CEPT1: variants seen among roughly 807,000 people sequenced by gnomAD.
CEPT1 encodes choline/ethanolamine phosphotransferase 1.
In CEPT1, 7 loss-of-function variants were observed where a neutral mutation model predicts 42.6. That is an observed-to-expected ratio of 0.16 (90% confidence interval 0.09 to 0.31). CEPT1 has a LOEUF of 0.31. Ranked by LOEUF, CEPT1 falls within the 10% of genes least tolerant of loss-of-function variation. The pLI is 1.00. For synonymous variants in CEPT1, 171 were observed against 171.9 expected, an observed-to-expected ratio of 0.99 and a Z score of 0.04; for missense variants, 306 against 502.1, an observed-to-expected ratio of 0.61 and a Z score of 3.73.
chr1:111,161,092 AT>A, intron 3 of CEPT1, 62 bp from the exon 4 acceptor site: 1 of 1,565,786 alleles, frequency 6.4e-7, no homozygotes, highest in Non-Finnish European at 8.8e-7. Context: ...ATCTAAAATC[AT>A]TTCCAGCTCA....
chr1:111,170,827 T>A (rs1306322301), intron 4 of CEPT1, among the ~76,000 whole-genome samples: 1 of 152,186 alleles, frequency 6.6e-6, no homozygotes, highest in Non-Finnish European at 1.5e-5. Flanking sequence ...AGCTCACAGG[T>A]CAAATTGTAC....
intron 3 of CEPT1, chr1:111,160,942 A>T: frequency 1.8e-6 from 1 of 562,492 alleles, no homozygotes; most frequent in East Asian, 3.1e-5. Flanking sequence ...TGCTTCCACT[A>T]AGTGATTTGG....
chr1:111,158,034 T>G (rs887812631), intron 2 of CEPT1, among the ~76,000 whole-genome samples: 1 of 152,190 alleles, frequency 6.6e-6, no homozygotes, highest in Non-Finnish European at 1.5e-5. Flanking sequence ...CTCTTCTTTT[T>G]GAATATACAT....
chr1:111,152,144 A>C (rs984687802), intron 2 of CEPT1, among the ~76,000 whole-genome samples: 1 of 151,444 alleles, frequency 6.6e-6, no homozygotes, highest in East Asian at 1.9e-4. Context: ...TTGAAATATC[A>C]TGAGTTGTTT....
chr1:111,165,340 G>A (rs374237273), intron 4 of CEPT1, among the ~76,000 whole-genome samples: 15 of 151,068 alleles, frequency 9.9e-5, no homozygotes, highest in East Asian at 5.8e-4. Context: ...GAGCCACTGC[G>A]CCCGGCCTAA....
At chr1:111,177,777 C>G (rs2101390314) in intron 5 of CEPT1, among the ~76,000 whole-genome samples, 1 of 152,152 alleles carries the variant, frequency 6.6e-6, no homozygotes, top group South Asian at 2.1e-4. Context: ...AAATGGAGTT[C>G]CCAGACCCAG....
intron 5 of CEPT1, chr1:111,181,009 C>G: frequency 6.6e-6 from 1 of 152,098 alleles, no homozygotes; most frequent in East Asian, 1.9e-4. Flanking sequence ...ACTAAAAATA[C>G]AAAAATTAGC....
At chr1:111,163,462 CA>C (rs912203844) in intron 4 of CEPT1, among the ~76,000 whole-genome samples, 1 of 151,900 alleles carries the variant, frequency 6.6e-6, no homozygotes, top group African/African-American at 2.4e-5. Flanking sequence ...CTGGTCTCTA[CA>C]AAAAAATTTT....
At chr1:111,172,764 A>C (rs1301506341) in intron 4 of CEPT1, among the ~76,000 whole-genome samples, 1 of 152,212 alleles carries the variant, frequency 6.6e-6, no homozygotes, top group Non-Finnish European at 1.5e-5. Flanking sequence ...AGAGCAGAAG[A>C]TTCTCATCCT....
intron 2 of CEPT1, among the ~76,000 whole-genome samples, chr1:111,148,375 C>CAAA (rs34084366): frequency 2.7e-5 from 2 of 75,136 alleles, no homozygotes; most frequent in East Asian, 9.4e-4. Context: ...AAAGTCTTAG[C>CAAA]AAAAAAAAAA....
At chr1:111,176,697 A>G (rs1054238441) in intron 5 of CEPT1, among the ~76,000 whole-genome samples, 2 of 152,226 alleles carry the variant, frequency 1.3e-5, no homozygotes, top group African/African-American at 4.8e-5. Context: ...AAGTCCAAAT[A>G]TGAAATTTAT....
intron 4 of CEPT1, among the ~76,000 whole-genome samples, chr1:111,170,320 A>G (rs986479303): frequency 2.6e-5 from 4 of 152,146 alleles, no homozygotes; most frequent in Admixed American, 1.3e-4. Flanking sequence ...GAGTTATTCA[A>G]TGGGCTTTTT....
At chr1:111,167,892 C>CA in intron 4 of CEPT1, 2 of 512,920 alleles carry the variant, frequency 3.9e-6, no homozygotes, top group Non-Finnish European at 4.9e-6. Flanking sequence ...TATCTTTTTC[C>CA]TTTTTTTTTT....
At chr1:111,153,118 T>C (rs1373300722) in intron 2 of CEPT1, among the ~76,000 whole-genome samples, 2 of 152,124 alleles carry the variant, frequency 1.3e-5, no homozygotes, top group Non-Finnish European at 2.9e-5. Context: ...CCTGTCCCTA[T>C]CCTCCCCTCC....
intron 4 of CEPT1, among the ~76,000 whole-genome samples, chr1:111,165,824 T>G (rs1352181582): frequency 6.6e-6 from 1 of 152,240 alleles, no homozygotes; most frequent in East Asian, 1.9e-4. Flanking sequence ...TATAGTTAAA[T>G]GAAAAAAGTT....
intron 1 of CEPT1, among the ~76,000 whole-genome samples, chr1:111,145,394 G>A (rs890624001): frequency 2.6e-5 from 4 of 152,182 alleles, no homozygotes; most frequent in Admixed American, 6.5e-5. Context: ...TTATTTAAGG[G>A]CATTAACTTG....
chr1:111,145,568 G>A (rs1451881813), intron 1 of CEPT1, among the ~76,000 whole-genome samples: 2 of 152,238 alleles, frequency 1.3e-5, no homozygotes, highest in Non-Finnish European at 2.9e-5. Context: ...ATACCAGGCT[G>A]TGGGGTGAGT....
intron 2 of CEPT1, among the ~76,000 whole-genome samples, chr1:111,148,554 G>A (rs979712857): frequency 6.6e-6 from 1 of 152,020 alleles, no homozygotes; most frequent in African/African-American, 2.4e-5. Flanking sequence ...TAACAACTGT[G>A]GCAAAGGAAG....
chr1:111,157,821 A>G (rs913606809), intron 2 of CEPT1, among the ~76,000 whole-genome samples: 1 of 152,256 alleles, frequency 6.6e-6, no homozygotes, highest in Non-Finnish European at 1.5e-5. Flanking sequence ...GATCTCTATC[A>G]GAGAGAAACT....
Sources: allele counts gnomAD v4.1 joint callset (sites outside exome capture counted in the v4.1 genomes callset), GRCh38; gene constraint gnomAD v4.1.1; transcripts MANE v1.5; gene names NCBI Gene and HGNC (gene_info 2026-07-23, HGNC 2026-07-21).